The following ABCB5 variants were observed in gnomAD, a reference collection of about 807,000 sequenced individuals.
ABCB5 encodes the protein ATP-binding cassette sub-family B member 5.
In ABCB5, 155 loss-of-function variants were observed where a neutral mutation model predicts 144.2. The ratio of observed to expected loss-of-function variants is 1.08; its 90% CI spans 0.94 to 1.23. ABCB5 has a LOEUF of 1.23. Ranked by LOEUF, ABCB5 falls within the 50% of genes most tolerant of loss-of-function variation. The pLI, the probability that ABCB5 is intolerant of heterozygous loss-of-function variation, is 0.00. For synonymous variants in ABCB5, 610 were observed against 528.6 expected, an observed-to-expected ratio of 1.15 and a Z score of -2.11; for missense variants, 1,830 against 1,520.8, an observed-to-expected ratio of 1.20 and a Z score of -3.38.
chr7:20,660,365 G>A (rs1452395105), intron 14 of ABCB5: 5 of 985,462 alleles, frequency 5.1e-6, no homozygotes, highest in Non-Finnish European at 6.0e-6. Flanking sequence ...GTTGTTTAAA[G>A]GAGAAAGAGA....
rs536065653 is a variant in ABCB5 at position 20,623,963 on chromosome 7, T to C, written c.53+625T>C. 2.6e-5 allele frequency among the ~76,000 whole-genome samples: 4 copies of C among 152,240 alleles called. No homozygotes were observed. The South Asian group carries it at 8.3e-4, about 32-fold the overall frequency. ...AGGGCATTCCAGCGATACCATTTTC[T>C]TGTGAGTCAGAATCAGAAACTTCCT... On this transcript the variant is annotated intron_variant, in intron 2 of 27. Transcript: ENST00000404938.
intron 20 of ABCB5, among the ~76,000 whole-genome samples, chr7:20,719,958 C>T (rs1583449399): frequency 6.6e-6 from 1 of 152,120 alleles, no homozygotes. Flanking sequence ...CACACACACA[C>T]ACACACACAC....
chr7:20,647,195 A>G (rs1187482292), intron 9 of ABCB5: 14 of 799,554 alleles, frequency 1.8e-5, no homozygotes, highest in South Asian at 5.8e-5. Flanking sequence ...GCAACTCACC[A>G]TGGGGTTTAT....
intron 20 of ABCB5, among the ~76,000 whole-genome samples, chr7:20,708,410 A>C (rs974348731): frequency 1.3e-5 from 2 of 152,182 alleles, no homozygotes; most frequent in African/African-American, 4.8e-5. Flanking sequence ...AGGCCAAGGC[A>C]GGAGGATCGC....
chr7:20,651,687 A>G (rs916233906), intron 13 of ABCB5, 64 bp downstream of exon 13: 2 of 1,521,240 alleles, frequency 1.3e-6, no homozygotes, highest in Non-Finnish European at 1.8e-6. Flanking sequence ...TTCCAATATA[A>G]GGTAATGAAA....
chr7:20,628,381 G>C (rs1375577578), intron 3 of ABCB5, among the ~76,000 whole-genome samples: 1 of 152,058 alleles, frequency 6.6e-6, no homozygotes, highest in Non-Finnish European at 1.5e-5. Context: ...GTGTATATGT[G>C]CCATATTTTC....
intron 14 of ABCB5, among the ~76,000 whole-genome samples, chr7:20,670,024 G>T (rs184395057): frequency 5.9e-5 from 9 of 152,170 alleles, no homozygotes; most frequent in African/African-American, 1.7e-4. Context: ...CAAATCAGAC[G>T]AACTCAAATT....
In ABCB5 at chr7:20,616,954, A is replaced by G. The variant is rs1209952526; in HGVS notation, c.-22+1117A>G. ...GCCTGGGATAGTCTTTTTGATCTTTATATAGCAACCTCCTTTTATAATTCA... is the reference window on the plus strand; with the variant it reads ...GCCTGGGATAGTCTTTTTGATCTTTGTATAGCAACCTCCTTTTATAATTCA... On this transcript the variant is annotated intron_variant, in intron 1 of 27. Coordinates refer to ENST00000404938, the MANE Select transcript of ABCB5 (RefSeq NM_001163941.2). 3.3e-5 allele frequency among the ~76,000 whole-genome samples: 5 copies of G among 152,188 alleles called. No individual in the cohort carries two copies. The East Asian group carries it at 9.6e-4, about 29-fold the overall frequency.
At chr7:20,666,890 C>A in intron 14 of ABCB5, 1 of 1,334,356 alleles carries the variant, frequency 7.5e-7, no homozygotes, top group Non-Finnish European at 9.7e-7. Context: ...ACAGCATCAG[C>A]TCAAATTTTC....
At chr7:20,650,219 T>A in intron 12 of ABCB5, 72 bp downstream of exon 12, 1 of 1,549,894 alleles carries the variant, frequency 6.5e-7, no homozygotes, top group Non-Finnish European at 8.7e-7. Context: ...CTGGCAGCTC[T>A]GTAACTTTTC....
At chr7:20,663,060 G>A (rs1238984691) in intron 14 of ABCB5, among the ~76,000 whole-genome samples, 4 of 152,146 alleles carry the variant, frequency 2.6e-5, no homozygotes, top group African/African-American at 9.7e-5. Context: ...AGCACAGGGA[G>A]GTTAAGTAAT....
intron 20 of ABCB5, among the ~76,000 whole-genome samples, chr7:20,711,837 TTTCTTTCTTTTC>T (rs1349241893): frequency 1.4e-4 from 8 of 56,342 alleles, no homozygotes; most frequent in African/African-American, 1.3e-3. Flanking sequence ...TCTTTCTTTC[TTTCTTTCTTTTC>T]TTTCTTTCTT....
chr7:20,684,220 C>G (rs1785918257), intron 15 of ABCB5, among the ~76,000 whole-genome samples: 1 of 152,140 alleles, frequency 6.6e-6, no homozygotes, highest in African/African-American at 2.4e-5. Context: ...TTTAGACTGT[C>G]CATGGTTATA....
At chr7:20,710,513 A>T (rs1786994799) in intron 20 of ABCB5, among the ~76,000 whole-genome samples, 1 of 149,564 alleles carries the variant, frequency 6.7e-6, no homozygotes, top group Non-Finnish European at 1.5e-5. Context: ...AAAAAAATAT[A>T]AAAAACATTC....
rs61741891 is a variant in ABCB5 at position 20,645,856 on chromosome 7, G to C, written c.779G>C (p.Arg260Thr). Residue 260 changes from arginine (R) to threonine (T), a missense_variant, in exon 8 of 28, where the codon AGG (arginine) becomes ACG (threonine). Physicochemically the swap from Arg to Thr is moderately conservative, Grantham distance 71 (BLOSUM62 -1). Coordinates refer to ENST00000404938, the MANE Select transcript of ABCB5 (RefSeq NM_001163941.2). Reference sequence around the variant, plus strand: ...TCAATCCGAACAGTCATAGCCTTTAGGGCCCAGGAGAAAGAACTTCAAAGG... The same window carrying C: ...TCAATCCGAACAGTCATAGCCTTTACGGCCCAGGAGAAAGAACTTCAAAGG... ...LSSIRTVIAF[R>T]AQEKELQRYT... 6.2e-7 allele frequency: 1 copy of C among 1,613,690 alleles called. No homozygotes were observed.
chr7:20,681,418 T>C (rs1399678864), intron 14 of ABCB5, 87 bp from the exon 15 acceptor site: 5 of 1,460,550 alleles, frequency 3.4e-6, no homozygotes, highest in Admixed American at 4.0e-5. Flanking sequence ...TGAGCCACCA[T>C]GCCGGGTCAA....
chr7:20,678,764 T>C (rs919000591), intron 14 of ABCB5, among the ~76,000 whole-genome samples: 1 of 152,224 alleles, frequency 6.6e-6, no homozygotes, highest in Non-Finnish European at 1.5e-5. Context: ...CAGCATAGCA[T>C]TGGTGCAGTG....
intron 14 of ABCB5, among the ~76,000 whole-genome samples, chr7:20,681,040 CTTTCTT>C (rs1562559044): frequency 0.012 from 55 of 4,682 alleles, 3 homozygotes; most frequent in Admixed American, 0.029. Flanking sequence ...CTTTCTCTTT[CTTTCTT>C]TCTCTCTCTC....
At chr7:20,680,994 CTTTCTTTCTTTCTTTCTTTCTT>C (rs1159007085) in intron 14 of ABCB5, among the ~76,000 whole-genome samples, 226 of 15,978 alleles carry the variant, frequency 0.014, 4 homozygotes, top group East Asian at 0.079. Flanking sequence ...TTCTTTCTTT[CTTTCTTTCTTTCTTTCTTTCTT>C]TCTTTCTTTC....
Sources: gnomAD v4.1 joint callset for allele counts (sites outside exome capture counted in the v4.1 genomes callset) on GRCh38, gnomAD v4.1.1 for gene constraint, MANE v1.5 for transcripts, NCBI Gene and HGNC (gene_info 2026-07-23, HGNC 2026-07-21) for gene names.